The following ERBIN variants were observed in gnomAD, a reference collection of about 807,000 sequenced individuals.
ERBIN encodes erbb2 interacting protein.
ERBIN carries 60 observed loss-of-function variants against 158.4 expected under a neutral mutation model. The observed-to-expected ratio is 0.38, with a 90% CI of 0.31 to 0.47. The LOEUF (loss-of-function observed/expected upper bound fraction) is 0.47. Ranked by LOEUF, ERBIN falls within the 20% of genes least tolerant of loss-of-function variation. The probability of loss-of-function intolerance (pLI) is 0.99; values close to 1 mark genes in which losing one functional copy is unlikely to be tolerated. For missense variants in ERBIN, 1,610 were observed against 1,648.0 expected (o/e 0.98, Z 0.40); for synonymous variants, 594 against 557.2 (o/e 1.07, Z -0.93).
intron 4 of ERBIN, among the ~76,000 whole-genome samples, chr5:66,001,478 T>G (rs1473436268): frequency 6.6e-6 from 1 of 152,136 alleles, no homozygotes; most frequent in South Asian, 2.1e-4. Flanking sequence ...CTTATCAGTG[T>G]TTTTCATTTG....
At chr5:65,955,821 T>C (rs1189516956) in intron 1 of ERBIN, among the ~76,000 whole-genome samples, 1 of 152,212 alleles carries the variant, frequency 6.6e-6, no homozygotes, top group Non-Finnish European at 1.5e-5. Context: ...CCAAAAATAT[T>C]AAATGGAAAA....
At chr5:66,070,665 A>T (rs1273815297) in intron 21 of ERBIN, among the ~76,000 whole-genome samples, 5 of 152,200 alleles carry the variant, frequency 3.3e-5, no homozygotes, top group Non-Finnish European at 7.3e-5. Flanking sequence ...TCATTTATGT[A>T]TTCTAAAAGC....
At chr5:66,059,014 A>T (rs146409838) in intron 21 of ERBIN, among the ~76,000 whole-genome samples, 1 of 152,070 alleles carries the variant, frequency 6.6e-6, no homozygotes, top group South Asian at 2.1e-4. Context: ...TGTCTTGGCA[A>T]TGCAGGCTCT....
intron 1 of ERBIN, among the ~76,000 whole-genome samples, chr5:65,981,286 A>G (rs1750628106): frequency 6.6e-6 from 1 of 152,250 alleles, no homozygotes; most frequent in South Asian, 2.1e-4. Flanking sequence ...TTAAATTATT[A>G]AAGTAGTACT....
chr5:65,985,246 C>G (rs766232874), intron 1 of ERBIN, among the ~76,000 whole-genome samples: 42 of 152,184 alleles, frequency 2.8e-4, no homozygotes, highest in Non-Finnish European at 1.2e-4. Flanking sequence ...GTGCGCACCA[C>G]CATGCCCAGT....
chr5:66,079,294 A>G lies in ERBIN; in HGVS notation c.*764A>G, dbSNP rs1321049599. On this transcript the variant is annotated 3_prime_UTR_variant, in exon 26 of 26. Transcript: ENST00000284037. ...ATTTGCTACTGGTGATTCAGTTTTT[A>G]ATTTTTTAGTCACAGGAAATTTTTA... 1 of 152,052 alleles carries G rather than the reference A, an allele frequency of 6.6e-6. No homozygotes were observed. The highest frequency in any genetic ancestry group is 2.4e-5 in the African/African-American group (1 of 41,310). 9.4% of individuals were successfully genotyped at this position (152,052 alleles called of 1,614,324 possible).
Position 65,974,461 on chromosome 5 carries a change from T to A in ERBIN, c.-57-14174T>A, listed in dbSNP as rs112345075. 3.3e-4 allele frequency among the ~76,000 whole-genome samples: 51 copies of A among 152,386 alleles called. 3 individuals carry two copies. Among genetic ancestry groups the A allele is most frequent in the African/African-American group, 1.0e-3 (43 of 41,588 alleles). On this transcript the variant is annotated intron_variant, in intron 1 of 25. Transcript: ENST00000284037. ...ATGGATAAAAGCTCACGTCTCATCCTATCTGGAGAGAATTTTCAGAGACCA... is the reference window on the plus strand; with the variant it reads ...ATGGATAAAAGCTCACGTCTCATCCAATCTGGAGAGAATTTTCAGAGACCA...
chr5:66,028,439 A>T (rs1756506970), intron 14 of ERBIN, 96 bp downstream of exon 14: 2 of 861,370 alleles, frequency 2.3e-6, no homozygotes, highest in South Asian at 1.6e-5. Flanking sequence ...GCAGCTATAC[A>T]TGTGGTACAC....
intron 2 of ERBIN, 32 bp from the exon 3 acceptor site, chr5:65,992,678 G>GTT (rs759879649): frequency 1.2e-4 from 179 of 1,501,774 alleles, no homozygotes; most frequent in Non-Finnish European, 1.5e-4. Flanking sequence ...TAATATGTAT[G>GTT]TTTTAAATTT....
chr5:65,970,289 A>G (rs1408817336), intron 1 of ERBIN, among the ~76,000 whole-genome samples: 8 of 152,220 alleles, frequency 5.3e-5, no homozygotes, highest in Non-Finnish European at 7.3e-5. Flanking sequence ...TAAAACTTAA[A>G]TTAGACTATG....
chr5:66,066,290 A>C (rs908875260), intron 21 of ERBIN, among the ~76,000 whole-genome samples: 12 of 152,100 alleles, frequency 7.9e-5, no homozygotes, highest in Admixed American at 7.2e-4. Context: ...AAGATGATGG[A>C]GGATCTCTAT....
At chr5:66,056,984 GT>G (rs1759650492) in intron 21 of ERBIN, among the ~76,000 whole-genome samples, 1 of 152,024 alleles carries the variant, frequency 6.6e-6, no homozygotes, top group Non-Finnish European at 1.5e-5. Context: ...GTGTTTGCCT[GT>G]TTCAGTTCTT....
intron 4 of ERBIN, among the ~76,000 whole-genome samples, chr5:66,005,885 G>C (rs1487258400): frequency 6.6e-6 from 1 of 152,114 alleles, no homozygotes; most frequent in Non-Finnish European, 1.5e-5. Context: ...ACTACTCAAT[G>C]AAATAAAAGA....
intron 8 of ERBIN, 26 bp downstream of exon 8, chr5:66,021,411 C>T (rs1466784178): frequency 2.0e-6 from 3 of 1,477,094 alleles, no homozygotes; most frequent in Non-Finnish European, 1.9e-6. Context: ...TCTCACTTTC[C>T]CTAAGTTCTT....
chr5:65,989,147 G>A (rs1021263970), intron 2 of ERBIN, among the ~76,000 whole-genome samples: 1 of 151,908 alleles, frequency 6.6e-6, no homozygotes, highest in African/African-American at 2.4e-5. Context: ...CAGTTCCCAT[G>A]TTGATCAATT....
chr5:65,973,794 A>G (rs1231788510), intron 1 of ERBIN, among the ~76,000 whole-genome samples: 2 of 151,330 alleles, frequency 1.3e-5, no homozygotes, highest in African/African-American at 2.5e-5. Context: ...TTGGGAATAG[A>G]TTAAGGAGGT....
rs1209889121 is a variant in ERBIN, at chr5:66,076,690, A to G, written c.4057-185A>G. 1.3e-5 allele frequency: 8 copies of G among 609,964 alleles called. 1 individual carries two copies. Among genetic ancestry groups the G allele is most frequent in the Non-Finnish European group, 2.3e-5 (8 of 344,180 alleles). The allele number at this position is 609,964 out of a possible 1,614,324, so 37.8% of individuals were successfully genotyped here. A position where few individuals can be genotyped will look rare whatever the true frequency, so the allele number is the denominator to read the frequency against. ...AGTAATTTTATTACTCTCAAGAGAA[A>G]TCACTAAAGTCAGAATTACTAGAGG... On this transcript the variant is annotated intron_variant, in intron 24 of 25. Transcript: ENST00000284037.
At chr5:66,044,827 A>AG (rs1224418953) in intron 17 of ERBIN, among the ~76,000 whole-genome samples, 107 of 152,204 alleles carry the variant, frequency 7.0e-4, no homozygotes, top group African/African-American at 2.6e-3. Context: ...CTGTTATCCC[A>AG]GCACTTTGGG....
intron 4 of ERBIN, among the ~76,000 whole-genome samples, chr5:65,998,916 A>T (rs913035283): frequency 2.0e-5 from 3 of 150,588 alleles, no homozygotes; most frequent in Non-Finnish European, 2.9e-5. Flanking sequence ...AAAAAAAAAA[A>T]AAATTATGCC....
Sources: allele counts gnomAD v4.1 joint callset (sites outside exome capture counted in the v4.1 genomes callset), GRCh38; gene constraint gnomAD v4.1.1; transcripts MANE v1.5; gene names NCBI Gene and HGNC (gene_info 2026-07-23, HGNC 2026-07-21).